The following ECT2 variants were observed in gnomAD, a reference collection of about 807,000 sequenced individuals.
ECT2 encodes the protein protein ECT2.
A neutral mutation model predicts 116.9 loss-of-function variants in ECT2; 61 were observed. The ratio of observed to expected loss-of-function variants is 0.52; its 90% CI spans 0.42 to 0.65. ECT2 has a LOEUF of 0.65. ECT2 is among the 30% of genes least tolerant of loss of function. The pLI, the probability that ECT2 is intolerant of heterozygous loss-of-function variation, is 0.00. For missense variants in ECT2, 937 were observed against 1,078.7 expected (o/e 0.87, Z 1.84); for synonymous variants, 358 against 346.4 (o/e 1.03, Z -0.37).
At chr3:172,814,605 AAATT>A (rs1395232639) in intron 22 of ECT2, among the ~76,000 whole-genome samples, 43 of 152,276 alleles carry the variant, frequency 2.8e-4, no homozygotes, top group African/African-American at 9.6e-4. Context: ...AATTACTTAG[AAATT>A]AATTGTCTTG....
At chr3:172,800,534 A>G (rs1223665199) in intron 18 of ECT2, among the ~76,000 whole-genome samples, 1 of 152,168 alleles carries the variant, frequency 6.6e-6, no homozygotes, top group Non-Finnish European at 1.5e-5. Flanking sequence ...CTGAATTATA[A>G]TTCTTTCTTC....
At chr3:172,810,039 C>G (rs1297927267) in intron 22 of ECT2, among the ~76,000 whole-genome samples, 1 of 152,092 alleles carries the variant, frequency 6.6e-6, no homozygotes, top group Non-Finnish European at 1.5e-5. Flanking sequence ...TGGTCTCTTG[C>G]CAACATGTAA....
intron 18 of ECT2, among the ~76,000 whole-genome samples, chr3:172,792,742 G>T (rs1006912427): frequency 7.9e-5 from 12 of 151,996 alleles, no homozygotes; most frequent in African/African-American, 2.4e-4. Context: ...GGAGGGGGTG[G>T]TATCTTATTC....
chr3:172,754,565 G>T lies in ECT2; in HGVS notation c.35G>T (p.Gly12Val), dbSNP rs763115622. The T allele has an allele frequency of 6.2e-7, 1 of 1,611,026 alleles. No individual in the cohort carries two copies. The highest frequency in any genetic ancestry group is 1.1e-5 in the South Asian group (1 of 90,630). The change falls in exon 2 of 25, where the codon GGG becomes GTG. Residue 12 changes from glycine to valine, a missense_variant. Transcript: ENST00000392692. ...AATAGTGTATTAACATCCACTACTG[G>T]GAGGACTAGCTTGGCAGACTCTTCC... ...AENSVLTSTT[G>V]RTSLADSSIF...
At chr3:172,775,806 G>A (rs913789098) in intron 14 of ECT2, among the ~76,000 whole-genome samples, 11 of 151,954 alleles carry the variant, frequency 7.2e-5, no homozygotes, top group South Asian at 4.2e-4. Flanking sequence ...GCTAATTTTT[G>A]TATATTTAGT....
At chr3:172,773,075 AGAAGCC>A (rs1720944630) in intron 13 of ECT2, among the ~76,000 whole-genome samples, 1 of 152,196 alleles carries the variant, frequency 6.6e-6, no homozygotes, top group Non-Finnish European at 1.5e-5. Context: ...TATATCTGCC[AGAAGCC>A]CTGGAACTTT....
intron 14 of ECT2, among the ~76,000 whole-genome samples, chr3:172,781,801 T>C (rs1234673770): frequency 6.6e-6 from 1 of 152,168 alleles, no homozygotes; most frequent in Non-Finnish European, 1.5e-5. Flanking sequence ...TTAAATAAAT[T>C]AAAAAAACCT....
At position 172,821,035 on chromosome 3, in the gene ECT2, T is replaced by C. The variant is rs1422709729; in HGVS notation, c.*798T>C. The C allele has an allele frequency of 6.6e-6, 1 of 151,954 alleles. No homozygotes were observed. Among genetic ancestry groups the C allele is most frequent in the African/African-American group, 2.4e-5 (1 of 41,444 alleles). The allele number at this position is 151,954 out of a possible 1,614,324, so 9.4% of individuals were successfully genotyped here. The stretch of plus-strand genomic sequence containing the variant: ...AATTTTATTTTGAAGGATAAGACCA[T>C]GGGAAAATTGTGGTAAAGACTGTTT... On this transcript the variant is annotated 3_prime_UTR_variant, in exon 25 of 25. Coordinates refer to ENST00000392692, the MANE Select transcript of ECT2 (RefSeq NM_001258315.2).
At chr3:172,796,747 A>T (rs913729461) in intron 18 of ECT2, among the ~76,000 whole-genome samples, 4 of 152,002 alleles carry the variant, frequency 2.6e-5, no homozygotes, top group African/African-American at 9.7e-5. Flanking sequence ...GCTCACTGCA[A>T]CCTCTGCCTC....
At chr3:172,809,949 T>C (rs1728466305) in intron 22 of ECT2, among the ~76,000 whole-genome samples, 1 of 152,182 alleles carries the variant, frequency 6.6e-6, no homozygotes, top group South Asian at 2.1e-4. Flanking sequence ...ATGTCCCATA[T>C]TTTGTTATTT....
intron 13 of ECT2, chr3:172,771,496 T>C (rs1720626405): frequency 1.3e-5 from 2 of 152,208 alleles, no homozygotes; most frequent in African/African-American, 4.8e-5. Context: ...ATACAAGTGA[T>C]CATTCTGTAT....
At chr3:172,780,658 G>A (rs1722535864) in intron 14 of ECT2, among the ~76,000 whole-genome samples, 1 of 152,158 alleles carries the variant, frequency 6.6e-6, no homozygotes, top group African/African-American at 2.4e-5. Context: ...AGACCCATCA[G>A]TTGTTATTTT....
At chr3:172,760,712 C>CTTTTTGTTTTTTTTTTTTTTTTTT (rs1718087963) in intron 7 of ECT2, among the ~76,000 whole-genome samples, 1 of 76,192 alleles carries the variant, frequency 1.3e-5, no homozygotes, top group Admixed American at 1.3e-4. Context: ...GTCTAAGTGC[C>CTTTTTGTTTTTTTTTTTTTTTTTT]TTTTTTTTTT....
chr3:172,803,028 G>C (rs7644191), intron 20 of ECT2, 48 bp downstream of exon 20: 1,386,481 of 1,494,862 alleles, frequency 0.93, 645,188 homozygotes, highest in Non-Finnish European at 0.95. Context: ...ATTTTTGTAA[G>C]TTCCCTGAAT....
At chr3:172,791,937 ATG>A (rs1724747764) in intron 18 of ECT2, among the ~76,000 whole-genome samples, 1 of 152,176 alleles carries the variant, frequency 6.6e-6, no homozygotes, top group Non-Finnish European at 1.5e-5. Flanking sequence ...GAAGTGAGAA[ATG>A]TGTGACTCCT....
chr3:172,824,483 A>G (rs12630930), downstream of ECT2, among the ~76,000 whole-genome samples: 71,213 of 151,984 alleles, frequency 0.47, 19,562 homozygotes, highest in East Asian at 0.69. Flanking sequence ...TAAAGCATTC[A>G]TGAGAAACTC....
chr3:172,758,468 TACAC>T (rs138087804), intron 5 of ECT2, among the ~76,000 whole-genome samples: 5 of 150,898 alleles, frequency 3.3e-5, no homozygotes, highest in African/African-American at 1.2e-4. Context: ...TTCTCTTTTA[TACAC>T]ACACACACAC....
chr3:172,776,143 C>CT (rs1455113348), intron 14 of ECT2, among the ~76,000 whole-genome samples: 1 of 144,282 alleles, frequency 6.9e-6, no homozygotes, highest in African/African-American at 2.6e-5. Context: ...TAACTTAATT[C>CT]TTTAAGCTTC....
chr3:172,814,816 C>T (rs925913895), intron 22 of ECT2, among the ~76,000 whole-genome samples: 5 of 152,040 alleles, frequency 3.3e-5, no homozygotes, highest in African/African-American at 7.2e-5. Flanking sequence ...CTTCAAAATC[C>T]ACTATTCTGG....
Sources: gnomAD v4.1 joint callset for allele counts (sites outside exome capture counted in the v4.1 genomes callset) on GRCh38, gnomAD v4.1.1 for gene constraint, MANE v1.5 for transcripts, NCBI Gene and HGNC (gene_info 2026-07-23, HGNC 2026-07-21) for gene names.